Variants in ANKRD45 observed in about 807,000 individuals in gnomAD.
ANKRD45 encodes the protein ankyrin repeat domain-containing protein 45.
A neutral mutation model predicts 28.1 loss-of-function variants in ANKRD45; 21 were observed. The observed-to-expected ratio is 0.75, with a 90% CI of 0.53 to 1.08. ANKRD45 has a LOEUF of 1.08. Among genes scored for constraint, ANKRD45 ranks in the 50% least tolerant of loss-of-function variants. The pLI is 0.00. For synonymous variants in ANKRD45, 86 were observed against 103.9 expected (o/e 0.83, Z 1.05); for missense variants, 261 against 308.7 (o/e 0.85, Z 1.16).
intron 4 of ANKRD45, among the ~76,000 whole-genome samples, chr1:173,625,850 A>G (rs980207427): frequency 1.1e-4 from 16 of 152,158 alleles, no homozygotes; most frequent in Non-Finnish European, 2.2e-4. Context: ...CATAGTAGGT[A>G]TTAAGAATAG....
At chr1:173,639,237 G>A (rs780946667) in intron 3 of ANKRD45, among the ~76,000 whole-genome samples, 13 of 152,110 alleles carry the variant, frequency 8.5e-5, no homozygotes, top group African/African-American at 2.2e-4. Context: ...CTAATTTTTC[G>A]TGTCCTAGAC....
At chr1:173,646,730 G>T in intron 3 of ANKRD45, 116 bp downstream of exon 3, 1 of 1,003,260 alleles carries the variant, frequency 1.0e-6, no homozygotes. Context: ...CACCAACTGT[G>T]ACTGTGGTTG....
intron 5 of ANKRD45, among the ~76,000 whole-genome samples, chr1:173,612,302 A>G (rs1458946679): frequency 1.4e-5 from 2 of 138,142 alleles, no homozygotes; most frequent in African/African-American, 2.9e-5. Flanking sequence ...GAAAGAAGGA[A>G]AGAAGGAAGG....
chr1:173,618,575 C>A (rs960947905), intron 5 of ANKRD45, among the ~76,000 whole-genome samples: 4 of 151,760 alleles, frequency 2.6e-5, no homozygotes, highest in African/African-American at 9.7e-5. Context: ...AATAGGAAGA[C>A]AAGAATACAG....
the ANKRD45 span, among the ~76,000 whole-genome samples, chr1:173,683,769 C>T: frequency 2.0e-5 from 3 of 152,108 alleles, no homozygotes; most frequent in East Asian, 1.9e-4. Flanking sequence ...GTGCCCAGGG[C>T]GGTGTTATAT....
chr1:173,643,857 G>A (rs59054917), intron 3 of ANKRD45, among the ~76,000 whole-genome samples: 25,870 of 152,038 alleles, frequency 0.17, 7,322 homozygotes, highest in African/African-American at 0.59. Context: ...TATAAGTAAC[G>A]GAAAAGAATA....
the ANKRD45 span, among the ~76,000 whole-genome samples, chr1:173,682,993 T>C: frequency 6.6e-6 from 1 of 152,088 alleles, no homozygotes; most frequent in African/African-American, 2.4e-5. Context: ...CCAGCTTTTT[T>C]TGTGTGGGAA....
At chr1:173,695,124 ATGCT>A in the ANKRD45 span, among the ~76,000 whole-genome samples, 1 of 152,184 alleles carries the variant, frequency 6.6e-6, no homozygotes. Flanking sequence ...TTCTTCAATC[ATGCT>A]ATTATAATTT....
the ANKRD45 span, among the ~76,000 whole-genome samples, chr1:173,679,192 A>T: frequency 6.6e-6 from 1 of 152,226 alleles, no homozygotes; most frequent in Non-Finnish European, 1.5e-5. Context: ...ATTGGAAAAA[A>T]CTACTTTAAA....
In ANKRD45 at chr1:173,659,445, A is replaced by G. The variant is rs369375886; in HGVS notation, c.-15-12T>C. On this transcript the variant is annotated splice_polypyrimidine_tract_variant and intron_variant, in intron 1 of 5. Transcript: ENST00000333279. ...AACTCCAAAAATACCTATGACCAAA[A>G]AAATAAAAAAGTGATAAAAATCTAC... 113 of 1,495,914 alleles carry G rather than the reference A, an allele frequency of 7.6e-5. No homozygotes were observed. Among genetic ancestry groups the G allele is most frequent in the East Asian group, 4.6e-4 (20 of 43,924 alleles). The allele number at this position is 1,495,914 out of a possible 1,614,324, so 92.7% of individuals were successfully genotyped here.
At chr1:173,661,864 T>C (rs1436039084) in intron 1 of ANKRD45, among the ~76,000 whole-genome samples, 1 of 152,166 alleles carries the variant, frequency 6.6e-6, no homozygotes, top group Admixed American at 6.6e-5. Context: ...TAGATTGTTA[T>C]AAGTGTTTCC....
chr1:173,642,511 GAATA>G (rs1668746401), intron 3 of ANKRD45, among the ~76,000 whole-genome samples: 1 of 152,222 alleles, frequency 6.6e-6, no homozygotes, highest in South Asian at 2.1e-4. Context: ...GTCTACTTCA[GAATA>G]GATAGTAACC....
At chr1:173,620,160 C>T (rs1475004262) in intron 5 of ANKRD45, among the ~76,000 whole-genome samples, 1 of 152,232 alleles carries the variant, frequency 6.6e-6, no homozygotes, top group Non-Finnish European at 1.5e-5. Context: ...ACGTTCTTCT[C>T]ATCACCACGT....
chr1:173,662,417 G>C (rs918063790), intron 1 of ANKRD45, among the ~76,000 whole-genome samples: 4 of 152,172 alleles, frequency 2.6e-5, no homozygotes, highest in African/African-American at 9.7e-5. Context: ...ATGCTTGTAA[G>C]CTGTTAGGAA....
Position 173,616,034 on chromosome 1 carries a change from C to T in ANKRD45, c.731-5819G>A, listed in dbSNP as rs189093283. Among the ~76,000 whole-genome samples, 66 of 151,492 alleles carry T rather than the reference C, an allele frequency of 4.4e-4. No homozygotes were observed. The East Asian group carries it at 7.5e-3, about 17-fold the overall frequency. Reference sequence around the variant, plus strand: ...AGGAGAATGGCATGAACCCAGGAGGCGGAGCTTGCAGTAAGCCGAGATCAT... The same window carrying T: ...AGGAGAATGGCATGAACCCAGGAGGTGGAGCTTGCAGTAAGCCGAGATCAT... On this transcript the variant is annotated intron_variant, in intron 5 of 5. Transcript: ENST00000333279.
the ANKRD45 span, among the ~76,000 whole-genome samples, chr1:173,699,457 C>G: frequency 1.3e-5 from 2 of 152,140 alleles, no homozygotes; most frequent in African/African-American, 2.4e-5. Flanking sequence ...AGCAGCACAT[C>G]AAAAACCTTA....
chr1:173,613,360 G>T, intron 5 of ANKRD45, among the ~76,000 whole-genome samples: 1 of 151,202 alleles, frequency 6.6e-6, no homozygotes, highest in East Asian at 2.0e-4. Context: ...CCCAGCAGCC[G>T]CCCCGTCTGA....
chr1:173,615,417 G>A (rs959556409), intron 5 of ANKRD45, among the ~76,000 whole-genome samples: 9 of 150,296 alleles, frequency 6.0e-5, no homozygotes, highest in East Asian at 2.0e-4. Context: ...CCCCCCAAGT[G>A]TAGTGCTGAA....
the ANKRD45 span, among the ~76,000 whole-genome samples, chr1:173,699,168 T>C: frequency 6.6e-6 from 1 of 152,176 alleles, no homozygotes; most frequent in South Asian, 2.1e-4. Flanking sequence ...TCTGAAATTG[T>C]GGCAATAATT....
Sources: allele counts gnomAD v4.1 joint callset (sites outside exome capture counted in the v4.1 genomes callset), GRCh38; gene constraint gnomAD v4.1.1; transcripts MANE v1.5; gene names NCBI Gene and HGNC (gene_info 2026-07-23, HGNC 2026-07-21).